NCOA2: variants seen among roughly 807,000 people sequenced by gnomAD.
The protein encoded by NCOA2 is class E basic helix-loop-helix protein 75.
Under a neutral mutation model 145.1 loss-of-function variants are expected in NCOA2, and 21 were observed. The observed-to-expected ratio is 0.14, with a 90% CI of 0.10 to 0.21. The LOEUF is 0.21. Among genes scored for constraint, NCOA2 ranks in the 10% least tolerant of loss-of-function variants. The pLI, the probability that NCOA2 is intolerant of heterozygous loss-of-function variation, is 1.00. For missense variants in NCOA2, 1,472 were observed against 1,837.6 expected (o/e 0.80, Z 3.64); for synonymous variants, 619 against 637.5 (o/e 0.97, Z 0.44).
chr8:70,448,094 A>G, the NCOA2 span, among the ~76,000 whole-genome samples: 1 of 152,002 alleles, frequency 6.6e-6, no homozygotes, highest in Non-Finnish European at 1.5e-5. Context: ...TATTTCTAAC[A>G]GACTTTTTTT....
chr8:70,434,702 G>A, the NCOA2 span, among the ~76,000 whole-genome samples: 1 of 152,096 alleles, frequency 6.6e-6, no homozygotes. Flanking sequence ...CAAGTAGCTA[G>A]AACTACATGT....
At chr8:70,272,937 A>G (rs1054189955) in intron 2 of NCOA2, among the ~76,000 whole-genome samples, 2 of 152,226 alleles carry the variant, frequency 1.3e-5, no homozygotes, top group Non-Finnish European at 2.9e-5. Flanking sequence ...TATCAGAAAT[A>G]TTAACAGTGA....
chr8:70,200,875 T>C (rs879607906), intron 4 of NCOA2, among the ~76,000 whole-genome samples: 2 of 151,740 alleles, frequency 1.3e-5, no homozygotes, highest in Non-Finnish European at 2.9e-5. Context: ...CTGTGCAACA[T>C]AGCGAGAACT....
At chr8:70,312,465 G>T (rs953423274) in intron 1 of NCOA2, among the ~76,000 whole-genome samples, 1 of 152,060 alleles carries the variant, frequency 6.6e-6, no homozygotes, top group Non-Finnish European at 1.5e-5. Context: ...TGCACATAAG[G>T]TCTTTAGTTT....
At chr8:70,185,651 C>T (rs1815988151) in intron 4 of NCOA2, among the ~76,000 whole-genome samples, 3 of 152,298 alleles carry the variant, frequency 2.0e-5, no homozygotes, top group Admixed American at 6.5e-5. Context: ...ACTCCAGAGG[C>T]AGGCTCCAGA....
intron 1 of NCOA2, among the ~76,000 whole-genome samples, chr8:70,316,851 G>T (rs1457667203): frequency 1.3e-5 from 2 of 152,216 alleles, no homozygotes; most frequent in African/African-American, 4.8e-5. Context: ...GTGTCCAACA[G>T]TGGGACCTGA....
At chr8:70,219,186 G>C (rs1447602750) in intron 2 of NCOA2, among the ~76,000 whole-genome samples, 2 of 152,178 alleles carry the variant, frequency 1.3e-5, no homozygotes, top group African/African-American at 2.4e-5. Context: ...AAAATCATTT[G>C]AGCAGACTGT....
chr8:70,271,788 G>A (rs372040497), intron 2 of NCOA2, among the ~76,000 whole-genome samples: 1 of 152,214 alleles, frequency 6.6e-6, no homozygotes, highest in Non-Finnish European at 1.5e-5. Flanking sequence ...CTGACAGCTT[G>A]TGCCTACATA....
intron 5 of NCOA2, among the ~76,000 whole-genome samples, chr8:70,171,359 G>C (rs1390003918): frequency 1.3e-5 from 2 of 152,228 alleles, no homozygotes; most frequent in Non-Finnish European, 1.5e-5. Flanking sequence ...AGTACAGCTT[G>C]AATGTGAATC....
At chr8:70,180,227 A>C (rs533789198) in intron 4 of NCOA2, among the ~76,000 whole-genome samples, 1 of 152,238 alleles carries the variant, frequency 6.6e-6, no homozygotes, top group Non-Finnish European at 1.5e-5. Context: ...AGTAGGAAGT[A>C]GCTATGATCT....
At chr8:70,259,450 T>A (rs1236751903) in intron 2 of NCOA2, among the ~76,000 whole-genome samples, 1 of 152,268 alleles carries the variant, frequency 6.6e-6, no homozygotes, top group African/African-American at 2.4e-5. Flanking sequence ...TTATGATACC[T>A]TGGTACATAA....
At chr8:70,213,125 A>G (rs573951153) in intron 4 of NCOA2, among the ~76,000 whole-genome samples, 13 of 150,730 alleles carry the variant, frequency 8.6e-5, no homozygotes, top group Non-Finnish European at 1.2e-4. Context: ...ACACCAGATT[A>G]CAAAAGATAA....
intron 1 of NCOA2, among the ~76,000 whole-genome samples, chr8:70,366,096 C>T (rs935853340): frequency 9.2e-5 from 14 of 152,322 alleles, no homozygotes; most frequent in African/African-American, 2.9e-4. Context: ...CAGCATTAAA[C>T]ACTGTTCATT....
At chr8:70,158,826 T>C (rs187307992) in intron 10 of NCOA2, among the ~76,000 whole-genome samples, 1 of 151,802 alleles carries the variant, frequency 6.6e-6, no homozygotes. Flanking sequence ...GCAGAAATCA[T>C]ACTAGTGACA....
rs577933445 is a variant in NCOA2 at position 70,123,880 on chromosome 8, T to C, written c.4293+4A>G. 4 of 1,599,470 alleles carry C rather than the reference T, an allele frequency of 2.5e-6. No homozygotes were observed. In the African/African-American group the frequency reaches 5.3e-5, roughly 21 times the overall value. ...CACTGGGTTGCTTCTCCTTGGGCAC[T>C]CACCTGCTCGGGACCCATGGAGGAC... On this transcript the variant is annotated splice_donor_region_variant and intron_variant, in intron 21 of 22. Transcript: ENST00000452400.
intron 1 of NCOA2, among the ~76,000 whole-genome samples, chr8:70,393,710 A>G (rs928359755): frequency 3.3e-5 from 5 of 152,204 alleles, no homozygotes; most frequent in Non-Finnish European, 7.4e-5. Context: ...CCTGGAGCCT[A>G]AAATCTGGGC....
rs536014021 is a variant in NCOA2 at position 70,214,523 on chromosome 8, A to G, written c.87-448T>C. ...AAATTTCAATAATTTTTGGTAAAAC[A>G]TAAAAAATAAAACCAGATATTTATA... On this transcript the variant is annotated intron_variant, in intron 3 of 22. Transcript: ENST00000452400. Among the ~76,000 whole-genome samples, 43 of 152,374 alleles carry G rather than the reference A, an allele frequency of 2.8e-4. 1 individual carries two copies. The South Asian group carries it at 7.5e-3, about 26-fold the overall frequency.
intron 1 of NCOA2, among the ~76,000 whole-genome samples, chr8:70,304,561 G>C (rs1419341988): frequency 2.0e-5 from 3 of 152,064 alleles, no homozygotes; most frequent in African/African-American, 7.2e-5. Context: ...CTGCCTCCCA[G>C]GTTCAAGCAA....
chr8:70,441,098 AAAG>A, the NCOA2 span, among the ~76,000 whole-genome samples: 1 of 138,696 alleles, frequency 7.2e-6, no homozygotes, highest in African/African-American at 2.6e-5. Context: ...GAAAGAAAAG[AAAG>A]AAGAGAGAGA....
Sources: gnomAD v4.1 joint callset for allele counts (sites outside exome capture counted in the v4.1 genomes callset) on GRCh38, gnomAD v4.1.1 for gene constraint, MANE v1.5 for transcripts, NCBI Gene and HGNC (gene_info 2026-07-23, HGNC 2026-07-21) for gene names.